FRY: variants seen among roughly 807,000 people sequenced by gnomAD.
FRY encodes the protein protein furry homolog.
FRY carries 128 observed loss-of-function variants against 348.4 expected under a neutral mutation model. The ratio of observed to expected loss-of-function variants is 0.37; its 90% CI spans 0.32 to 0.43. The LOEUF (loss-of-function observed/expected upper bound fraction) is 0.43. Among genes scored for constraint, FRY ranks in the 20% least tolerant of loss-of-function variants. The probability of loss-of-function intolerance (pLI) is 1.00; values close to 1 mark genes in which losing one functional copy is unlikely to be tolerated. For missense variants in FRY, 2,736 were observed against 3,695.2 expected (o/e 0.74, Z 6.73); for synonymous variants, 1,370 against 1,374.7 (o/e 1.00, Z 0.08).
chr13:32,199,292 A>T (rs1258617201), intron 29 of FRY, among the ~76,000 whole-genome samples: 1 of 152,176 alleles, frequency 6.6e-6, no homozygotes, highest in Non-Finnish European at 1.5e-5. Flanking sequence ...TGAAAGAAGG[A>T]TCTAGGTGGC....
intron 35 of FRY, among the ~76,000 whole-genome samples, chr13:32,216,379 A>C (rs1044142264): frequency 6.6e-6 from 1 of 152,222 alleles, no homozygotes; most frequent in Non-Finnish European, 1.5e-5. Context: ...CAAGGAGAAC[A>C]GTCTGGAAGG....
intron 17 of FRY, among the ~76,000 whole-genome samples, chr13:32,163,154 C>T (rs1215120431): frequency 6.6e-6 from 1 of 152,192 alleles, no homozygotes; most frequent in East Asian, 1.9e-4. Context: ...TGTCAGTTTG[C>T]TGTGGACAGC....
intron 17 of FRY, 81 bp downstream of exon 17, chr13:32,161,332 C>A: frequency 2.2e-6 from 2 of 923,176 alleles, no homozygotes; most frequent in Non-Finnish European, 1.8e-6. Flanking sequence ...TGGTAGTTTA[C>A]AATTAACAAA....
chr13:32,184,954 G>C, intron 25 of FRY, 22 bp from the exon 26 acceptor site: 1 of 1,608,230 alleles, frequency 6.2e-7, no homozygotes, highest in Non-Finnish European at 8.5e-7. Flanking sequence ...TCATCTAAAA[G>C]TTTCATTTTC....
At chr13:32,263,761 C>A (rs1248800301) in intron 53 of FRY, among the ~76,000 whole-genome samples, 1 of 152,224 alleles carries the variant, frequency 6.6e-6, no homozygotes, top group African/African-American at 2.4e-5. Flanking sequence ...GTAATCCCAG[C>A]ACTTCGGGAG....
chr13:32,280,784 ATTTG>A (rs917692718), intron 58 of FRY, among the ~76,000 whole-genome samples: 3 of 152,236 alleles, frequency 2.0e-5, no homozygotes, highest in African/African-American at 7.2e-5. Flanking sequence ...TCTATTATTT[ATTTG>A]TTTGTTTCTT....
intron 35 of FRY, among the ~76,000 whole-genome samples, chr13:32,215,316 A>G (rs1057197630): frequency 6.6e-6 from 1 of 152,220 alleles, no homozygotes; most frequent in African/African-American, 2.4e-5. Context: ...AATATTTAAG[A>G]TGATGGATAT....
chr13:32,254,194 G>A, intron 50 of FRY, 30 bp from the exon 51 acceptor site: 2 of 1,612,260 alleles, frequency 1.2e-6, no homozygotes. Context: ...AGGGAGAACG[G>A]TTTCTCAGGA....
chr13:32,206,365 G>A (rs1421542741), intron 31 of FRY, among the ~76,000 whole-genome samples: 5 of 152,304 alleles, frequency 3.3e-5, no homozygotes, highest in East Asian at 1.9e-4. Flanking sequence ...CACAGCCTCC[G>A]ATGCAGTAGA....
chr13:32,225,018 C>G lies in FRY; in HGVS notation c.5002C>G (p.Leu1668Val). Residue 1668 changes from leucine to valine, a missense_variant, in exon 38 of 61, where the codon CTT (leucine) becomes GTT (valine). Transcript: ENST00000542859. ...CTGGGCGCTTCATCTACCATTATTA[C>G]TTCATGCTGTCTTCTTAGGTAAGAC... ...EDWALHLPLL[L>V]HAVFLGLDHY... is the part of the protein sequence containing the mutation. 1 of 1,596,062 alleles carries G rather than the reference C, an allele frequency of 6.3e-7. No homozygotes were observed. The highest frequency in any genetic ancestry group is 8.6e-7 in the Non-Finnish European group (1 of 1,163,436).
intron 51 of FRY, among the ~76,000 whole-genome samples, chr13:32,260,897 G>C (rs1207652662): frequency 6.6e-6 from 1 of 152,206 alleles, no homozygotes; most frequent in Admixed American, 6.5e-5. Flanking sequence ...TTGGGAGGCC[G>C]AGGCAGGTGG....
At chr13:32,167,425 C>G (rs976857770) in intron 17 of FRY, among the ~76,000 whole-genome samples, 1 of 152,126 alleles carries the variant, frequency 6.6e-6, no homozygotes, top group Non-Finnish European at 1.5e-5. Context: ...GAAGCATCAC[C>G]CTGATGTCTG....
In FRY at chr13:32,274,939, A is replaced by G. The variant is rs1185284050; in HGVS notation, c.8234A>G (p.Gln2745Arg). ...GGATCCAAATTTGTCAGCTCTTCCC[A>G]GATGCTCACCTCCTGCTCTGAATGT... Reference protein sequence around the residue: ...GIGSKFVSSSQMLTSCSECPT... With the variant: ...GIGSKFVSSSRMLTSCSECPT... Residue 2745 changes from glutamine to arginine, a missense_variant, in exon 56 of 61, where the codon CAG (glutamine) becomes CGG (arginine). Gln to Arg is a conservative substitution (Grantham distance 43, BLOSUM62 1). Transcript: ENST00000542859. 2 of 1,613,466 alleles carry G rather than the reference A, an allele frequency of 1.2e-6. No homozygotes were observed. Among genetic ancestry groups the G allele is most frequent in the Admixed American group, 3.3e-5 (2 of 59,988 alleles).
At chr13:32,291,762 A>G (rs1368353648) in intron 59 of FRY, among the ~76,000 whole-genome samples, 4 of 152,166 alleles carry the variant, frequency 2.6e-5, no homozygotes, top group Admixed American at 2.0e-4. Flanking sequence ...AAATATCAAC[A>G]TTAGCAGGAG....
intron 35 of FRY, among the ~76,000 whole-genome samples, chr13:32,214,263 G>A (rs1015365111): frequency 6.6e-6 from 1 of 152,014 alleles, no homozygotes; most frequent in Non-Finnish European, 1.5e-5. Flanking sequence ...TGATATATGG[G>A]TGCTTACAGA....
chr13:32,061,796 A>G (rs1873956337), intron 1 of FRY, among the ~76,000 whole-genome samples: 1 of 152,090 alleles, frequency 6.6e-6, no homozygotes, highest in South Asian at 2.1e-4. Context: ...ACAATAACAC[A>G]GTTACATTAG....
Position 32,185,104 on chromosome 13 carries a change from C to A in FRY, c.3275C>A (p.Ala1092Glu), listed in dbSNP as rs1472958617. 1 of 1,613,934 alleles carries A rather than the reference C, an allele frequency of 6.2e-7. No homozygotes were observed. The highest frequency in any genetic ancestry group is 8.5e-7 in the Non-Finnish European group (1 of 1,179,930). The change falls in exon 26 of 61, where the codon GCA becomes GAA. Residue 1092 changes from alanine to glutamate, a missense_variant. Around this residue, in one of 9 missense-constraint regions of FRY, gnomAD observed 449 missense variants for 576.9 expected, o/e 0.78. Coordinates refer to ENST00000542859, the MANE Select transcript of FRY (RefSeq NM_023037.3). Reference sequence around the variant, plus strand: ...GTTGAAATTCTTAAAGATATCCGGGCACATTTTAGTGCAATGGTGGCCAAC... The same window carrying A: ...GTTGAAATTCTTAAAGATATCCGGGAACATTTTAGTGCAATGGTGGCCAAC... ...KEVEILKDIR[A>E]HFSAMVANLI...
chr13:32,113,716 C>G (rs1482119150), intron 3 of FRY, among the ~76,000 whole-genome samples: 1 of 152,242 alleles, frequency 6.6e-6, no homozygotes, highest in Non-Finnish European at 1.5e-5. Flanking sequence ...ACCATTGGCT[C>G]TGCTTCCCGT....
rs182813549 is a variant in FRY, at chr13:32,245,170, G to A, written c.6828+988G>A. The stretch of plus-strand genomic sequence containing the variant: ...TCACCATATTGGCCAGGCTGGTCTC[G>A]AACTCCTGACCTCGTGATCCACCGC... On this transcript the variant is annotated intron_variant, in intron 47 of 60. Transcript: ENST00000542859. Among the ~76,000 whole-genome samples, 520 of 151,916 alleles carry A rather than the reference G, an allele frequency of 3.4e-3. 22 individuals are homozygous for A. The highest frequency in any genetic ancestry group is 0.033 in the Admixed American group (497 of 15,264).
Sources: gnomAD v4.1 joint callset for allele counts (sites outside exome capture counted in the v4.1 genomes callset) on GRCh38, gnomAD v4.1.1 for gene constraint, gnomAD v4.1.1 regional missense constraint, MANE v1.5 for transcripts, NCBI Gene and HGNC (gene_info 2026-07-23, HGNC 2026-07-21) for gene names.